RPS24: variants seen among roughly 807,000 people sequenced by gnomAD.
RPS24 encodes ribosomal protein S24, also known as small ribosomal subunit protein eS24.
For missense variants in RPS24, 100 were observed against 162.5 expected, an observed-to-expected ratio of 0.62 and a Z score of 2.09; for synonymous variants, 72 against 55.6, an observed-to-expected ratio of 1.30 and a Z score of -1.31.
At chr10:78,053,196 AAAAG>A (rs1244381405) in intron 4 of RPS24, among the ~76,000 whole-genome samples, 19 of 151,608 alleles carry the variant, frequency 1.3e-4, no homozygotes, top group African/African-American at 3.9e-4. Flanking sequence ...CAAAAAAAAA[AAAAG>A]AAAAGAAAAA....
At chr10:78,037,338 T>A (rs967235126) in intron 4 of RPS24, 34 bp downstream of exon 4, 19 of 1,564,700 alleles carry the variant, frequency 1.2e-5, no homozygotes, top group Non-Finnish European at 1.4e-5. Context: ...AGAAACGTCA[T>A]TAATTGTAGG....
chr10:78,037,704 C>G (rs903404100), intron 4 of RPS24: 1 of 336,616 alleles, frequency 3.0e-6, no homozygotes, highest in African/African-American at 2.2e-5. Context: ...TCAATGTGGC[C>G]CGTGTTTTCC....
Position 78,054,376 on chromosome 10 carries a change from G to A in RPS24, c.391-155G>A, listed in dbSNP as rs113437970. Among the ~76,000 whole-genome samples the A allele has an allele frequency of 1.9e-3, 295 of 152,240 alleles. 1 individual carries two copies. Among genetic ancestry groups the A allele is most frequent in the African/African-American group, 5.7e-3 (237 of 41,524 alleles). ...TACCTGGCTTTTACAGCCCTCCCAA[G>A]TGCCCTTCCTTCAAGCTTTGGCTCT... On this transcript the variant is annotated intron_variant, in intron 4 of 4. Coordinates refer to the RPS24 transcript ENST00000440692.
At chr10:78,046,761 A>C (rs1477771615) in intron 4 of RPS24, among the ~76,000 whole-genome samples, 1 of 152,316 alleles carries the variant, frequency 6.6e-6, no homozygotes, top group South Asian at 2.1e-4. Context: ...CAACTATGGC[A>C]TCCTATGATA....
chr10:78,046,495 A>C (rs1848045237), intron 4 of RPS24, among the ~76,000 whole-genome samples: 1 of 151,960 alleles, frequency 6.6e-6, no homozygotes, highest in African/African-American at 2.4e-5. Flanking sequence ...AGTAGCTGGG[A>C]TTACAGGTGT....
At chr10:78,055,145 G>A in exon 5 of RPS24, 1 of 1,352,174 alleles carries the variant, frequency 7.4e-7, no homozygotes, top group Non-Finnish European at 9.5e-7. Flanking sequence ...AACCCTCCAG[G>A]GCTCCACATC....
At chr10:78,034,095 C>G in intron 1 of RPS24, 191 bp downstream of exon 1, 1 of 701,338 alleles carries the variant, frequency 1.4e-6, no homozygotes, top group Non-Finnish European at 2.5e-6. Context: ...CGCTGTAGAC[C>G]CGGACACGCT....
intron 4 of RPS24, among the ~76,000 whole-genome samples, chr10:78,047,153 A>G (rs1377567200): frequency 2.0e-5 from 3 of 149,946 alleles, no homozygotes; most frequent in African/African-American, 7.4e-5. Context: ...TTTAGTAGAG[A>G]TGGGATTTCA....
At chr10:78,040,154 A>G (rs1564630272) in intron 4 of RPS24, 50 bp from the exon 5 acceptor site, 2 of 1,584,076 alleles carry the variant, frequency 1.3e-6, no homozygotes, top group South Asian at 2.2e-5. Context: ...TATTAATGAA[A>G]TCTTTCTTTT....
intron 4 of RPS24, among the ~76,000 whole-genome samples, chr10:78,051,065 C>G (rs1013658480): frequency 1.3e-5 from 2 of 152,182 alleles, no homozygotes; most frequent in African/African-American, 4.8e-5. Context: ...TGGTGAGCAC[C>G]TGTAATCCCA....
chr10:78,047,334 T>A (rs1439460351), intron 4 of RPS24, among the ~76,000 whole-genome samples: 1 of 152,090 alleles, frequency 6.6e-6, no homozygotes, highest in African/African-American at 2.4e-5. Context: ...CCACTGAGCT[T>A]AGGGAAGGGG....
chr10:78,037,323 A>G lies in RPS24; in HGVS notation c.390+19A>G. ...CAAAAAGGTATAGTTCATTAAGGAA[A>G]ATATAGAAACGTCATTAATTGTAGG... On this transcript the variant is annotated intron_variant, in intron 4 of 5. Coordinates refer to ENST00000372360, the MANE Select transcript of RPS24 (RefSeq NM_033022.4). 6.3e-7 allele frequency: 1 copy of G among 1,578,742 alleles called. No individual in the cohort carries two copies. The highest frequency in any genetic ancestry group is 1.7e-4 in the Middle Eastern group (1 of 6,024).
At chr10:78,040,047 G>T in intron 4 of RPS24, 157 bp from the exon 5 acceptor site, 1 of 726,714 alleles carries the variant, frequency 1.4e-6, no homozygotes, top group South Asian at 1.5e-5. Flanking sequence ...TCTGGAAGGA[G>T]TGCTCTGTAT....
At chr10:78,037,922 T>C in intron 4 of RPS24, 1 of 1,044,714 alleles carries the variant, frequency 9.6e-7, no homozygotes. Context: ...TTTTTTTTTT[T>C]TTTGCTTTTC....
Position 78,035,548 on chromosome 10 carries a change from C to G in RPS24, c.107C>G (p.Pro36Arg), listed in dbSNP as rs1300266886. ...DVLHPGKATV[P>R]KTEIREKLAK... ...CTTCACCCCGGGAAGGCGACAGTGC[C>G]TAAGACAGAAATTCGGGAAAAACTA... The change falls in exon 3 of 6, where the codon CCT becomes CGT. Residue 36 changes from proline (P) to arginine (R), a missense_variant. By Grantham distance (103) the Pro-to-Arg change is moderately radical (BLOSUM62 -2). Coordinates refer to ENST00000372360, the MANE Select transcript of RPS24 (RefSeq NM_033022.4). The G allele has an allele frequency of 1.9e-6, 3 of 1,613,970 alleles. No homozygotes were observed. Among genetic ancestry groups the G allele is most frequent in the Non-Finnish European group, 1.7e-6 (2 of 1,180,028 alleles).
chr10:78,052,132 T>C (rs1157315839), intron 4 of RPS24, among the ~76,000 whole-genome samples: 1 of 152,018 alleles, frequency 6.6e-6, no homozygotes, highest in Non-Finnish European at 1.5e-5. Flanking sequence ...TTCAAGCAAT[T>C]CTCGTGTCTC....
intron 3 of RPS24, chr10:78,036,371 C>G (rs1466146577): frequency 6.4e-6 from 1 of 155,532 alleles, no homozygotes; most frequent in African/African-American, 2.4e-5. Flanking sequence ...GGTACAATCT[C>G]CTTGGCTCAC....
At chr10:78,045,786 CTT>C (rs1340208358) in intron 4 of RPS24, among the ~76,000 whole-genome samples, 4 of 151,736 alleles carry the variant, frequency 2.6e-5, no homozygotes, top group African/African-American at 9.7e-5. Flanking sequence ...GGGTGGATCA[CTT>C]GACGTCAGGA....
chr10:78,040,883 G>A, downstream of RPS24: 2 of 583,904 alleles, frequency 3.4e-6, no homozygotes, highest in Non-Finnish European at 6.1e-6. Flanking sequence ...AGTCAAGCTT[G>A]TAAATGCTGT....
Sources: allele counts gnomAD v4.1 joint callset (sites outside exome capture counted in the v4.1 genomes callset), GRCh38; gene constraint gnomAD v4.1.1; transcripts MANE v1.5; gene names NCBI Gene and HGNC (gene_info 2026-07-23, HGNC 2026-07-21).